EIF5B: variants seen among roughly 807,000 people sequenced by gnomAD.
EIF5B encodes the protein eukaryotic translation initiation factor 5B, also known as eIF-5B.
Under a neutral mutation model 147.5 loss-of-function variants are expected in EIF5B, and 47 were observed. The observed-to-expected ratio is 0.32, with a 90% CI of 0.25 to 0.41. The LOEUF (loss-of-function observed/expected upper bound fraction) is 0.41, where lower values mean the gene tolerates loss of function less well. Among genes scored for constraint, EIF5B ranks in the 10% least tolerant of loss-of-function variants. EIF5B has a pLI of 1.00. For synonymous variants in EIF5B, 455 were observed against 456.2 expected (o/e 1.00, Z 0.03); for missense variants, 1,064 against 1,413.2 (o/e 0.75, Z 3.96).
chr2:99,352,218 A>C (rs182014197), intron 1 of EIF5B, among the ~76,000 whole-genome samples: 127 of 151,904 alleles, frequency 8.4e-4, no homozygotes, highest in African/African-American at 2.9e-3. Flanking sequence ...TTTTTGAGAC[A>C]GAGTTTCGCT....
chr2:99,353,304 C>T (rs542703084), intron 1 of EIF5B, among the ~76,000 whole-genome samples: 5 of 151,336 alleles, frequency 3.3e-5, no homozygotes, highest in Non-Finnish European at 7.4e-5. Context: ...TGAGCCCCCG[C>T]GTCTGGCCTG....
At chr2:99,379,201 A>T in intron 11 of EIF5B, 75 bp downstream of exon 11, 1 of 1,414,024 alleles carries the variant, frequency 7.1e-7, no homozygotes, top group Non-Finnish European at 9.7e-7. Flanking sequence ...AACTTTAGAG[A>T]CCAATAGGAC....
At chr2:99,366,608 A>G (rs1674333269) in intron 6 of EIF5B, among the ~76,000 whole-genome samples, 1 of 152,166 alleles carries the variant, frequency 6.6e-6, no homozygotes, top group Admixed American at 6.5e-5. Context: ...ATGGTATACA[A>G]TTTCTGTTGT....
chr2:99,388,261 C>T (rs1351258610), intron 14 of EIF5B, among the ~76,000 whole-genome samples: 1 of 152,072 alleles, frequency 6.6e-6, no homozygotes, highest in African/African-American at 2.4e-5. Flanking sequence ...TTTCCCCTTA[C>T]CTATATGCTT....
intron 1 of EIF5B, among the ~76,000 whole-genome samples, chr2:99,354,413 G>A (rs980131053): frequency 1.3e-5 from 2 of 152,092 alleles, no homozygotes; most frequent in African/African-American, 4.8e-5. Context: ...AGTTTTGAGA[G>A]TTTTGGGTAT....
At chr2:99,368,279 G>A (rs935831591) in intron 6 of EIF5B, among the ~76,000 whole-genome samples, 2 of 152,124 alleles carry the variant, frequency 1.3e-5, no homozygotes, top group Admixed American at 6.6e-5. Flanking sequence ...GGTGATACAC[G>A]TATCAAAACT....
At chr2:99,366,480 T>C (rs1208795507) in intron 6 of EIF5B, among the ~76,000 whole-genome samples, 3 of 152,224 alleles carry the variant, frequency 2.0e-5, no homozygotes, top group Non-Finnish European at 4.4e-5. Context: ...GTCATAGCTA[T>C]GGTTTTACCA....
At chr2:99,341,487 G>T (rs1001507194) in intron 1 of EIF5B, among the ~76,000 whole-genome samples, 1 of 152,184 alleles carries the variant, frequency 6.6e-6, no homozygotes, top group Non-Finnish European at 1.5e-5. Context: ...TTGCTCATTT[G>T]TTGTGCTTTA....
At chr2:99,397,588 A>G (rs1675080938) in intron 22 of EIF5B, 1 of 152,238 alleles carries the variant, frequency 6.6e-6, no homozygotes, top group Admixed American at 6.5e-5. Flanking sequence ...AATTATTGGA[A>G]AGACACTCAT....
chr2:99,361,764 A>G lies in EIF5B; in HGVS notation c.863A>G (p.Asp288Gly). 6.3e-7 allele frequency: 1 copy of G among 1,579,522 alleles called. No homozygotes were observed. Among genetic ancestry groups the G allele is most frequent in the Non-Finnish European group, 8.5e-7 (1 of 1,171,546 alleles). The change falls in exon 4 of 24, where the codon GAT becomes GGT. Residue 288 changes from aspartate (D) to glycine (G), a missense_variant. Asp to Gly is a moderately conservative substitution (Grantham distance 94, BLOSUM62 -1). Transcript: ENST00000289371. ...EETVKSKVTV[D>G]TGVIPASEEK... is the part of the protein sequence containing the mutation. ...ACTGTAAAATCCAAAGTGACTGTTG[A>G]TACTGGAGTAATTCCTGCCTCTGAA...
chr2:99,379,497 G>T (rs2104223512), intron 12 of EIF5B, 69 bp downstream of exon 12: 4 of 1,211,502 alleles, frequency 3.3e-6, no homozygotes, highest in Non-Finnish European at 4.7e-6. Flanking sequence ...TTCAAACATA[G>T]AAAAAGGACA....
intron 8 of EIF5B, among the ~76,000 whole-genome samples, chr2:99,370,187 A>T (rs556321023): frequency 1.3e-5 from 2 of 152,312 alleles, no homozygotes; most frequent in East Asian, 3.9e-4. Context: ...TATTTACAAT[A>T]ATCAGAGAAT....
intron 1 of EIF5B, among the ~76,000 whole-genome samples, chr2:99,348,871 A>C (rs931311883): frequency 6.6e-6 from 1 of 152,196 alleles, no homozygotes; most frequent in Non-Finnish European, 1.5e-5. Flanking sequence ...TAGGAATAGG[A>C]AGAAATATGG....
intron 9 of EIF5B, among the ~76,000 whole-genome samples, chr2:99,374,494 GTT>G (rs1010001902): frequency 1.3e-5 from 2 of 151,814 alleles, no homozygotes; most frequent in African/African-American, 2.4e-5. Flanking sequence ...ACACTTTAGA[GTT>G]TTTTTTAGTA....
intron 10 of EIF5B, among the ~76,000 whole-genome samples, chr2:99,377,659 A>G (rs1032217910): frequency 2.0e-5 from 3 of 152,134 alleles, no homozygotes; most frequent in African/African-American, 4.8e-5. Context: ...GAGTTTCTCA[A>G]TTATCCTGCT....
Position 99,390,629 on chromosome 2 carries a change from C to G in EIF5B, c.2672C>G (p.Pro891Arg). 1 of 1,613,096 alleles carries G rather than the reference C, an allele frequency of 6.2e-7. No individual in the cohort carries two copies. Among genetic ancestry groups the G allele is most frequent in the Non-Finnish European group, 8.5e-7 (1 of 1,179,210 alleles). ...AAGGAAGGAGATACAATCATTGTTC[C>G]TGGAGTAGAAGGGCCCATTGTAACT... ...RLKEGDTIIVPGVEGPIVTQI... is the reference protein window; with the variant it reads ...RLKEGDTIIVRGVEGPIVTQI... Residue 891 changes from proline to arginine, a missense_variant, in exon 17 of 24, where the codon CCT (proline) becomes CGT (arginine). Pro to Arg is a moderately radical substitution (Grantham distance 103, BLOSUM62 -2). Around this residue, in one of 4 missense-constraint regions of EIF5B, gnomAD observed 380 missense variants for 715.6 expected, o/e 0.53. Coordinates refer to ENST00000289371, the MANE Select transcript of EIF5B (RefSeq NM_015904.4).
At position 99,355,443 on chromosome 2, in the gene EIF5B, T is replaced by TAGTCAAGTC. The variant is rs1674074818; in HGVS notation, c.36-4792_36-4784dup. 2.0e-5 allele frequency among the ~76,000 whole-genome samples: 3 copies of TAGTCAAGTC among 152,102 alleles called. No individual in the cohort carries two copies. In the South Asian group the frequency reaches 6.2e-4, roughly 32 times the overall value. ...CATGAACATGGCATGTCTCTTCACGTAGTCAAGTCTTGGATTTCTTTCATA... is the reference window on the plus strand; with the variant it reads ...CATGAACATGGCATGTCTCTTCACGTAGTCAAGTCAGTCAAGTCTTGGATTTCTTTCATA... On this transcript the variant is annotated intron_variant, in intron 1 of 23. Transcript: ENST00000289371.
chr2:99,354,656 C>A (rs1412300995), intron 1 of EIF5B, among the ~76,000 whole-genome samples: 1 of 152,006 alleles, frequency 6.6e-6, no homozygotes. Flanking sequence ...TTAAGTACAT[C>A]ATATATCTTG....
In EIF5B at chr2:99,364,345, A is replaced by G; in HGVS notation, c.1212A>G (p.Glu404=). 1 of 1,610,760 alleles carries G rather than the reference A, an allele frequency of 6.2e-7. No individual in the cohort carries two copies. The highest frequency in any genetic ancestry group is 8.5e-7 in the Non-Finnish European group (1 of 1,179,298). The change falls in exon 6 of 24, where the codon GAA becomes GAG. Residue 404 remains glutamate (E), a synonymous_variant. Coordinates refer to ENST00000289371, the MANE Select transcript of EIF5B (RefSeq NM_015904.4). Reference sequence around the variant, plus strand: ...AAAGAAAAGAACGCTTGAAAAAAGAAGGGAAACTTTTAACTAAATCCCAGA... The same window carrying G: ...AAAGAAAAGAACGCTTGAAAAAAGAGGGGAAACTTTTAACTAAATCCCAGA... ...EKERKERLKK[E]GKLLTKSQRE...
Sources: gnomAD v4.1 joint callset for allele counts (sites outside exome capture counted in the v4.1 genomes callset) on GRCh38, gnomAD v4.1.1 for gene constraint, gnomAD v4.1.1 regional missense constraint, MANE v1.5 for transcripts, NCBI Gene and HGNC (gene_info 2026-07-23, HGNC 2026-07-21) for gene names.